PRSS54: variants seen among roughly 807,000 people sequenced by gnomAD.
PRSS54 encodes inactive serine protease 54.
PRSS54 carries 16 observed loss-of-function variants against 19.9 expected under a neutral mutation model. The ratio of observed to expected loss-of-function variants is 0.80; its 90% CI spans 0.54 to 1.22. The LOEUF is 1.22. Among genes scored for constraint, PRSS54 ranks in the 50% most tolerant of loss-of-function variants. The pLI, the probability that PRSS54 is intolerant of heterozygous loss-of-function variation, is 0.00. For missense variants in PRSS54, 444 were observed against 494.8 expected (o/e 0.90, Z 0.97); for synonymous variants, 177 against 195.8 (o/e 0.90, Z 0.80).
intron 5 of PRSS54, 76 bp from the exon 6 acceptor site, chr16:58,284,797 A>G (rs1419847988): frequency 1.3e-6 from 2 of 1,540,774 alleles, no homozygotes; most frequent in South Asian, 2.3e-5. Context: ...TCCCACTCAT[A>G]TAGCCAAACG....
rs754156326 is a variant in PRSS54 at position 58,293,841 on chromosome 16, A to G, written c.-6-19T>C. 3 of 1,598,864 alleles carry G rather than the reference A, an allele frequency of 1.9e-6. No homozygotes were observed. The highest frequency in any genetic ancestry group is 2.3e-5 in the South Asian group (2 of 88,796). On this transcript the variant is annotated intron_variant, in intron 2 of 6. Transcript: ENST00000567164. ...TGGGCAGCTGGGGAAACAAAACCCA[A>G]TGACTCCATCCTCTTCCCAAACACA...
At chr16:58,284,772 C>T in intron 5 of PRSS54, 51 bp from the exon 6 acceptor site, 1 of 1,608,442 alleles carries the variant, frequency 6.2e-7, no homozygotes, top group Non-Finnish European at 8.5e-7. Flanking sequence ...AGGCAGTCCC[C>T]TATGTCAACA....
rs1964676295 is a variant in PRSS54 at position 58,280,115 on chromosome 16, T to C, written c.*109A>G. On this transcript the variant is annotated 3_prime_UTR_variant, in exon 7 of 7. Coordinates refer to ENST00000567164, the MANE Select transcript of PRSS54 (RefSeq NM_001305173.2). ...CCAGTGTATGCCATGGGCTTATCCG[T>C]GGCAGCCCCAGTGTGCAACTATCAA... 8.9e-7 allele frequency: 1 copy of C among 1,124,574 alleles called. No individual in the cohort carries two copies. The highest frequency in any genetic ancestry group is 2.3e-5 in the Admixed American group (1 of 43,260). The allele number at this position is 1,124,574 out of a possible 1,614,324, so 69.7% of individuals were successfully genotyped here.
In PRSS54 at chr16:58,286,046, G is replaced by A. The variant is rs149972398; in HGVS notation, c.413C>T (p.Ala138Val). The change falls in exon 5 of 7, where the codon GCG (alanine) becomes GTG (valine). Residue 138 changes from alanine (A) to valine (V), a missense_variant. Transcript: ENST00000567164. ...CTGGACCAGGTTGCCAAAATGCATC[G>A]CTGTGTCTGTCTTCAGGAGGGCTAT... Reference protein sequence around the residue: ...NNIALLKTDTAMHFGNLVQSI... With the variant: ...NNIALLKTDTVMHFGNLVQSI... 215 of 1,614,180 alleles carry A rather than the reference G, an allele frequency of 1.3e-4. 1 individual carries two copies. The Middle Eastern group carries it at 1.5e-3, about 11-fold the overall frequency.
At chr16:58,290,100 A>G (rs573338678) in intron 4 of PRSS54, among the ~76,000 whole-genome samples, 1 of 97,884 alleles carries the variant, frequency 1.0e-5, no homozygotes, top group Admixed American at 9.3e-5. Flanking sequence ...TACATATATT[A>G]CAATATCATG....
intron 3 of PRSS54, 46 bp from the exon 4 acceptor site, chr16:58,291,182 A>G (rs1406891486): frequency 1.3e-6 from 2 of 1,579,500 alleles, no homozygotes; most frequent in Non-Finnish European, 1.7e-6. Context: ...AGGAGACCTC[A>G]GGACCCTCTC....
chr16:58,287,388 C>T (rs1964941755), intron 4 of PRSS54, among the ~76,000 whole-genome samples: 1 of 152,218 alleles, frequency 6.6e-6, no homozygotes, highest in Non-Finnish European at 1.5e-5. Flanking sequence ...CTGGGCACTG[C>T]ATGCTATAGG....
Position 58,284,595 on chromosome 16 carries a change from A to G in PRSS54, c.649T>C (p.Cys217Arg), listed in dbSNP as rs1964864343. The change falls in exon 6 of 7, where the codon TGC (cysteine) becomes CGC (arginine). Residue 217 changes from cysteine to arginine, a missense_variant. Transcript: ENST00000567164. ...SHTKEETKTA[C>R]LGDPGSPMMC... ...CTACTCCATGATGTTCTTACCAAGC[A>G]GGCAGTCTTGGTTTCCTCTTTCGTG... The G allele has an allele frequency of 1.2e-6, 2 of 1,613,920 alleles. No homozygotes were observed. Among genetic ancestry groups the G allele is most frequent in the East Asian group, 2.2e-5 (1 of 44,870 alleles).
intron 4 of PRSS54, among the ~76,000 whole-genome samples, chr16:58,290,693 GT>G (rs1965017717): frequency 6.6e-6 from 1 of 152,196 alleles, no homozygotes; most frequent in African/African-American, 2.4e-5. Context: ...CGTGATGGCG[GT>G]AAAATCAGAA....
intron 1 of PRSS54, 90 bp downstream of exon 1, chr16:58,294,797 T>C (rs972510989): frequency 6.6e-6 from 1 of 152,306 alleles, no homozygotes; most frequent in Admixed American, 6.5e-5. Flanking sequence ...AAACTGATAC[T>C]CAGAGACATC....
In PRSS54 at chr16:58,291,155, G is replaced by T; in HGVS notation, c.86-19C>A. 1.2e-6 allele frequency: 2 copies of T among 1,611,058 alleles called. No individual in the cohort carries two copies. Among genetic ancestry groups the T allele is most frequent in the Non-Finnish European group, 8.5e-7 (1 of 1,179,004 alleles). On this transcript the variant is annotated intron_variant, in intron 3 of 6. Transcript: ENST00000567164. ...CCACAACCTGCGGAGCAGGTGCGGG[G>T]CCTCACTGCCGGGGCAAGGAGACCT...
intron 4 of PRSS54, among the ~76,000 whole-genome samples, chr16:58,288,569 T>C (rs1964968949): frequency 6.6e-6 from 1 of 152,194 alleles, no homozygotes; most frequent in African/African-American, 2.4e-5. Context: ...AGAACTTCCA[T>C]GGAGGGCTAG....
intron 5 of PRSS54, 130 bp from the exon 6 acceptor site, chr16:58,284,851 G>C: frequency 3.1e-6 from 3 of 974,690 alleles, no homozygotes; most frequent in Non-Finnish European, 4.5e-6. Flanking sequence ...GTCTTGTTCT[G>C]TCACGCAGGC....
intron 4 of PRSS54, among the ~76,000 whole-genome samples, chr16:58,290,163 T>C (rs1313154253): frequency 1.2e-5 from 1 of 82,788 alleles, no homozygotes; most frequent in East Asian, 2.4e-4. Context: ...CACTATATAT[T>C]ATGTATATAT....
At chr16:58,287,502 GT>G (rs2142645569) in intron 4 of PRSS54, among the ~76,000 whole-genome samples, 1 of 152,238 alleles carries the variant, frequency 6.6e-6, no homozygotes, top group South Asian at 2.1e-4. Flanking sequence ...CACTTAGCTG[GT>G]AAAAGCAGCC....
intron 4 of PRSS54, 132 bp downstream of exon 4, chr16:58,290,827 G>A (rs568361126): frequency 2.1e-6 from 2 of 959,244 alleles, no homozygotes; most frequent in African/African-American, 1.6e-5. Flanking sequence ...GACAGAGCAA[G>A]CGCTGAGCTG....
intron 3 of PRSS54, among the ~76,000 whole-genome samples, chr16:58,292,765 C>A (rs1031920263): frequency 6.6e-6 from 1 of 152,228 alleles, no homozygotes; most frequent in Non-Finnish European, 1.5e-5. Context: ...TCCCTAACCC[C>A]ACAAGAGTTT....
intron 4 of PRSS54, among the ~76,000 whole-genome samples, chr16:58,288,723 T>C (rs1964972591): frequency 6.6e-6 from 1 of 152,092 alleles, no homozygotes; most frequent in Non-Finnish European, 1.5e-5. Flanking sequence ...TTGGCAGTAG[T>C]AAAAGATTGG....
At chr16:58,285,744 A>AAAAAAAAAAAAAAG (rs146167626) in intron 5 of PRSS54, among the ~76,000 whole-genome samples, 193 bp downstream of exon 5, 1 of 77,350 alleles carries the variant, frequency 1.3e-5, no homozygotes, top group African/African-American at 7.2e-5. Flanking sequence ...AAAAAAAAAA[A>AAAAAAAAAAAAAAG]AAGAAGAAGA....
Sources: gnomAD v4.1 joint callset for allele counts (sites outside exome capture counted in the v4.1 genomes callset) on GRCh38, gnomAD v4.1.1 for gene constraint, MANE v1.5 for transcripts, NCBI Gene and HGNC (gene_info 2026-07-23, HGNC 2026-07-21) for gene names.